Variants in CRYZL1 observed in about 807,000 individuals in gnomAD.
The protein encoded by CRYZL1 is ferry endosomal RAB5 effector complex subunit 4.
A neutral mutation model predicts 50.6 loss-of-function variants in CRYZL1; 34 were observed. The observed-to-expected ratio is 0.67, with a 90% CI of 0.51 to 0.89. CRYZL1 has a LOEUF of 0.89. Among genes scored for constraint, CRYZL1 ranks in the 40% least tolerant of loss-of-function variants. The pLI, the probability that CRYZL1 is intolerant of heterozygous loss-of-function variation, is 0.00. For synonymous variants in CRYZL1, 125 were observed against 134.3 expected (o/e 0.93, Z 0.48); for missense variants, 354 against 402.3 (o/e 0.88, Z 1.03).
intron 8 of CRYZL1, among the ~76,000 whole-genome samples, chr21:33,600,325 T>C (rs559537121): frequency 4.6e-5 from 7 of 152,196 alleles, no homozygotes; most frequent in Non-Finnish European, 8.8e-5. Context: ...TTAAAGGATA[T>C]TAGTAGTATC....
At chr21:33,593,700 C>T (rs2086664948) in intron 11 of CRYZL1, among the ~76,000 whole-genome samples, 1 of 152,050 alleles carries the variant, frequency 6.6e-6, no homozygotes, top group Admixed American at 6.6e-5. Context: ...CTAATAGCTA[C>T]AGCCGGGAGT....
intron 3 of CRYZL1, among the ~76,000 whole-genome samples, chr21:33,622,437 GAA>G (rs1281237875): frequency 1.3e-5 from 2 of 152,178 alleles, no homozygotes; most frequent in African/African-American, 4.8e-5. Context: ...AGTCTGGAGA[GAA>G]GACTGTTGAA....
Position 33,622,024 on chromosome 21 carries a change from C to T in CRYZL1, c.189G>A (p.Gly63=), listed in dbSNP as rs751989176. The T allele has an allele frequency of 6.2e-7, 1 of 1,612,612 alleles. No individual in the cohort carries two copies. The highest frequency in any genetic ancestry group is 1.7e-5 in the Admixed American group (1 of 60,000). Reference sequence around the variant, plus strand: ...CTAATACAATTCCAGCAATTTCTCTCCCAACAGGAAATAAATCCTTTTTCA... The same window carrying T: ...CTAATACAATTCCAGCAATTTCTCTTCCAACAGGAAATAAATCCTTTTTCA... ...MKMKKDLFPV[G]REIAGIVLDV... is the part of the protein sequence containing the mutation. Residue 63 remains glycine (G), a synonymous_variant, in exon 4 of 13, where the codon GGG becomes GGA. Coordinates refer to ENST00000381554, the MANE Select transcript of CRYZL1 (RefSeq NM_145858.3).
chr21:33,635,007 A>C (rs532624384), intron 1 of CRYZL1, among the ~76,000 whole-genome samples: 3 of 152,080 alleles, frequency 2.0e-5, no homozygotes, highest in Admixed American at 1.3e-4. Context: ...AGTTGGTCCA[A>C]TTGAGAATTG....
intron 1 of CRYZL1, among the ~76,000 whole-genome samples, chr21:33,635,663 T>C (rs1255001754): frequency 6.7e-6 from 1 of 148,186 alleles, no homozygotes; most frequent in African/African-American, 2.5e-5. Context: ...CATAAAAGTA[T>C]TAAACATTTT....
chr21:33,611,902 G>T (rs2086876625), intron 6 of CRYZL1, among the ~76,000 whole-genome samples: 1 of 152,162 alleles, frequency 6.6e-6, no homozygotes, highest in Non-Finnish European at 1.5e-5. Context: ...GGGACTGTTT[G>T]TATTCTTCTG....
chr21:33,627,262 C>G (rs923081140), intron 2 of CRYZL1, among the ~76,000 whole-genome samples: 1 of 152,102 alleles, frequency 6.6e-6, no homozygotes, highest in Non-Finnish European at 1.5e-5. Flanking sequence ...TGCCACCATG[C>G]CCAGCTAATT....
At chr21:33,624,130 G>A (rs1340771447) in intron 3 of CRYZL1, among the ~76,000 whole-genome samples, 1 of 152,020 alleles carries the variant, frequency 6.6e-6, no homozygotes, top group African/African-American at 2.4e-5. Context: ...TTTACATTAT[G>A]TCTGTTTTCT....
rs1274845351 is a variant in CRYZL1 at position 33,623,879 on chromosome 21, T to C, written c.144+804A>G. ...GTATTTCATGGTCAATAATGAAAGA[T>C]TACTGCAGGGTAATGTGAGGTAAAG... On this transcript the variant is annotated intron_variant, in intron 3 of 12. Transcript: ENST00000381554. 2.6e-5 allele frequency among the ~76,000 whole-genome samples: 4 copies of C among 152,114 alleles called. No individual in the cohort carries two copies. The East Asian group carries it at 7.7e-4, about 29-fold the overall frequency.
At chr21:33,630,185 TGCCGGTAA>T (rs2087121006) in intron 2 of CRYZL1, among the ~76,000 whole-genome samples, 1 of 152,106 alleles carries the variant, frequency 6.6e-6, no homozygotes, top group Admixed American at 6.5e-5. Context: ...AAGTAACAAA[TGCCGGTAA>T]GGATGTGGAG....
At chr21:33,640,807 G>A (rs543201831) in intron 1 of CRYZL1, among the ~76,000 whole-genome samples, 2 of 152,262 alleles carry the variant, frequency 1.3e-5, no homozygotes, top group South Asian at 4.1e-4. Context: ...CTGTTAAGTG[G>A]AAAATACACA....
intron 6 of CRYZL1, among the ~76,000 whole-genome samples, chr21:33,608,175 C>T (rs548715974): frequency 6.6e-6 from 1 of 152,328 alleles, no homozygotes; most frequent in East Asian, 1.9e-4. Flanking sequence ...TATCCCTTGG[C>T]TGGGCGCGGT....
At chr21:33,629,897 G>A (rs1238677574) in intron 2 of CRYZL1, among the ~76,000 whole-genome samples, 1 of 152,110 alleles carries the variant, frequency 6.6e-6, no homozygotes, top group Non-Finnish European at 1.5e-5. Context: ...TTATATTGAT[G>A]TATATTCATT....
At chr21:33,608,904 G>C (rs908288414) in intron 6 of CRYZL1, among the ~76,000 whole-genome samples, 5 of 152,174 alleles carry the variant, frequency 3.3e-5, no homozygotes, top group African/African-American at 1.2e-4. Flanking sequence ...GTAATTCTAT[G>C]TTTTGATTTT....
intron 5 of CRYZL1, 132 bp downstream of exon 5, chr21:33,616,574 G>A: frequency 1.3e-6 from 2 of 1,536,930 alleles, no homozygotes. Flanking sequence ...TTACAGACGT[G>A]AGCCACAGCA....
chr21:33,609,558 T>C (rs1234521508), intron 6 of CRYZL1, among the ~76,000 whole-genome samples: 1 of 152,116 alleles, frequency 6.6e-6, no homozygotes, highest in Non-Finnish European at 1.5e-5. Flanking sequence ...CAATTGGCTC[T>C]GCCTTGGCCT....
intron 1 of CRYZL1, among the ~76,000 whole-genome samples, chr21:33,637,788 T>C (rs187664204): frequency 0.094 from 10,962 of 116,972 alleles, 715 homozygotes; most frequent in African/African-American, 0.21. Context: ...TATATATATA[T>C]ACACACACAC....
intron 4 of CRYZL1, among the ~76,000 whole-genome samples, chr21:33,621,201 G>C (rs542158335): frequency 6.7e-6 from 1 of 150,348 alleles, no homozygotes; most frequent in South Asian, 2.1e-4. Context: ...CACCGCGCCC[G>C]GCCGGGGTGT....
chr21:33,602,896 A>G (rs1222637781), intron 7 of CRYZL1, among the ~76,000 whole-genome samples: 1 of 152,220 alleles, frequency 6.6e-6, no homozygotes, highest in African/African-American at 2.4e-5. Context: ...AGAAAATAAA[A>G]CTATAAGTTA....
Sources: gnomAD v4.1 joint callset for allele counts (sites outside exome capture counted in the v4.1 genomes callset) on GRCh38, gnomAD v4.1.1 for gene constraint, MANE v1.5 for transcripts, NCBI Gene and HGNC (gene_info 2026-07-23, HGNC 2026-07-21) for gene names.